MAP3K20: variants seen among roughly 807,000 people sequenced by gnomAD.
MAP3K20 encodes the protein HCCS-4.
In MAP3K20, 40 loss-of-function variants were observed where a neutral mutation model predicts 85.7. That is an observed-to-expected ratio of 0.47 (90% CI 0.36 to 0.61). The LOEUF (loss-of-function observed/expected upper bound fraction) is 0.61, where lower values mean the gene tolerates loss of function less well. Among genes scored for constraint, MAP3K20 ranks in the 20% least tolerant of loss-of-function variants. The pLI, the probability that MAP3K20 is intolerant of heterozygous loss-of-function variation, is 0.00. For missense variants in MAP3K20, 817 were observed against 961.7 expected (o/e 0.85, Z 1.99); for synonymous variants, 325 against 327.7 (o/e 0.99, Z 0.09).
At position 173,162,946 on chromosome 2, in the gene MAP3K20, AC is replaced by A. The variant is rs1189429921; in HGVS notation, c.160-6857del. Among the ~76,000 whole-genome samples, 3 of 152,256 alleles carry A rather than the reference AC, an allele frequency of 2.0e-5. No homozygotes were observed. The East Asian group carries it at 5.8e-4, about 29-fold the overall frequency. Reference sequence around the variant, plus strand: ...GTTCTGAGTATAAGATGTAAGTGGAACCTGCCAGCCTTATGATGTGGGGCTT... The same window carrying A: ...GTTCTGAGTATAAGATGTAAGTGGAACTGCCAGCCTTATGATGTGGGGCTT... On this transcript the variant is annotated intron_variant, in intron 2 of 19. Transcript: ENST00000375213.
At chr2:173,110,811 T>C (rs1013710832) in intron 2 of MAP3K20, among the ~76,000 whole-genome samples, 4 of 152,244 alleles carry the variant, frequency 2.6e-5, no homozygotes, top group African/African-American at 9.6e-5. Context: ...ACAGTTTCTT[T>C]ATCCACTCGT....
intron 1 of MAP3K20, among the ~76,000 whole-genome samples, chr2:173,084,240 C>T (rs1378723710): frequency 1.3e-5 from 2 of 151,950 alleles, no homozygotes; most frequent in Non-Finnish European, 2.9e-5. Flanking sequence ...AAAAAATCAT[C>T]ACTTGCAGGT....
intron 2 of MAP3K20, among the ~76,000 whole-genome samples, chr2:173,144,558 T>TG (rs71018538): frequency 1.4e-5 from 2 of 145,426 alleles, no homozygotes; most frequent in East Asian, 2.1e-4. Context: ...TAGCTGGGAG[T>TG]GGGGGGGCAT....
At chr2:173,223,643 C>A (rs1008171617) in intron 11 of MAP3K20, 2 of 985,208 alleles carry the variant, frequency 2.0e-6, no homozygotes, top group African/African-American at 3.5e-5. Context: ...AAACTATGAG[C>A]CCTGGCCAGC....
intron 1 of MAP3K20, among the ~76,000 whole-genome samples, chr2:173,082,487 C>T (rs577837203): frequency 6.6e-6 from 1 of 152,326 alleles, no homozygotes; most frequent in African/African-American, 2.4e-5. Context: ...TGTCTGTCAG[C>T]AGCCAGGATG....
chr2:173,210,108 T>C, intron 10 of MAP3K20: 1 of 360,732 alleles, frequency 2.8e-6, no homozygotes, highest in Non-Finnish European at 5.2e-6. Flanking sequence ...TCCCAGCTCT[T>C]TGGGAGGCCA....
intron 11 of MAP3K20, among the ~76,000 whole-genome samples, chr2:173,220,795 A>C (rs147047009): frequency 3.1e-4 from 47 of 152,328 alleles, no homozygotes; most frequent in African/African-American, 1.1e-3. Flanking sequence ...ATGGTCAACT[A>C]AATGTTTCCT....
intron 2 of MAP3K20, among the ~76,000 whole-genome samples, chr2:173,158,401 T>C (rs1689545336): frequency 6.6e-6 from 1 of 152,200 alleles, no homozygotes; most frequent in African/African-American, 2.4e-5. Context: ...TCAGACTTTA[T>C]TACATTTACT....
At chr2:173,084,300 G>T (rs1687088032) in intron 1 of MAP3K20, among the ~76,000 whole-genome samples, 1 of 152,066 alleles carries the variant, frequency 6.6e-6, no homozygotes, top group Non-Finnish European at 1.5e-5. Flanking sequence ...AATTGACTGT[G>T]CAGCAGATAA....
chr2:173,142,211 C>T (rs758100294), intron 2 of MAP3K20, among the ~76,000 whole-genome samples: 28 of 152,144 alleles, frequency 1.8e-4, no homozygotes, highest in Non-Finnish European at 2.8e-4. Flanking sequence ...TAGTGGCTCA[C>T]GCCTATATCC....
intron 2 of MAP3K20, among the ~76,000 whole-genome samples, chr2:173,134,934 A>G (rs1438707447): frequency 6.6e-6 from 1 of 152,154 alleles, no homozygotes; most frequent in Non-Finnish European, 1.5e-5. Flanking sequence ...CAGCCACGTG[A>G]CTAGCTTAGT....
intron 2 of MAP3K20, among the ~76,000 whole-genome samples, chr2:173,122,159 C>A (rs201167437): frequency 1.3e-5 from 2 of 152,352 alleles, no homozygotes; most frequent in East Asian, 1.9e-4. Context: ...ACTCTTATTT[C>A]TGGCCATTTC....
chr2:173,195,167 A>C (rs2106280218), intron 7 of MAP3K20, among the ~76,000 whole-genome samples: 1 of 150,834 alleles, frequency 6.6e-6, no homozygotes, highest in African/African-American at 2.4e-5. Context: ...CCTTCTGAGA[A>C]CACAAGGCCT....
intron 2 of MAP3K20, among the ~76,000 whole-genome samples, chr2:173,152,299 T>C (rs994053984): frequency 6.6e-6 from 1 of 152,238 alleles, no homozygotes; most frequent in Non-Finnish European, 1.5e-5. Context: ...TTGAAGGTCA[T>C]ATTTAGCTGA....
At chr2:173,263,918 G>T (rs765616746) in intron 19 of MAP3K20, 23 bp downstream of exon 19, 2 of 1,596,718 alleles carry the variant, frequency 1.3e-6, no homozygotes, top group African/African-American at 2.7e-5. Context: ...TCCCGTATTA[G>T]ATGTGTGCTA....
intron 16 of MAP3K20, among the ~76,000 whole-genome samples, chr2:173,247,416 T>C (rs921553988): frequency 6.6e-6 from 1 of 152,194 alleles, no homozygotes; most frequent in African/African-American, 2.4e-5. Flanking sequence ...AGAAAAGGAT[T>C]TTGTAAGTAT....
At chr2:173,201,263 A>G (rs758616708) in intron 8 of MAP3K20, among the ~76,000 whole-genome samples, 4 of 152,212 alleles carry the variant, frequency 2.6e-5, no homozygotes, top group Admixed American at 2.0e-4. Flanking sequence ...AAACTTTACA[A>G]AGTAAACAAT....
intron 2 of MAP3K20, among the ~76,000 whole-genome samples, chr2:173,096,540 G>A (rs578097018): frequency 5.9e-4 from 90 of 152,102 alleles, no homozygotes; most frequent in African/African-American, 1.8e-3. Context: ...GGGTTTCACC[G>A]TGTTAGCCAG....
At chr2:173,085,174 C>T (rs945783075) in intron 1 of MAP3K20, among the ~76,000 whole-genome samples, 1 of 152,112 alleles carries the variant, frequency 6.6e-6, no homozygotes, top group Non-Finnish European at 1.5e-5. Flanking sequence ...AAACTCCTAT[C>T]AATCTAATTC....
Sources: gnomAD v4.1 joint callset for allele counts (sites outside exome capture counted in the v4.1 genomes callset) on GRCh38, gnomAD v4.1.1 for gene constraint, MANE v1.5 for transcripts, NCBI Gene and HGNC (gene_info 2026-07-23, HGNC 2026-07-21) for gene names.